The following SHANK2 variants were observed in gnomAD, a reference collection of about 807,000 sequenced individuals.
The protein encoded by SHANK2 is SH3 and multiple ankyrin repeat domains 2, also known as SH3 and multiple ankyrin repeat domains protein 2.
SHANK2 carries 43 observed loss-of-function variants against 133.7 expected under a neutral mutation model. The ratio of observed to expected loss-of-function variants is 0.32; its 90% confidence interval spans 0.25 to 0.41. The LOEUF is 0.41. Ranked by LOEUF, SHANK2 falls within the 10% of genes least tolerant of loss-of-function variation. The pLI is 1.00. For missense variants in SHANK2, 1,994 were observed against 2,235.8 expected (o/e 0.89, Z 2.18); for synonymous variants, 1,017 against 952.8 (o/e 1.07, Z -1.24).
intron 2 of SHANK2, among the ~76,000 whole-genome samples, chr11:71,210,250 A>ATATTTATT (rs1555118714): frequency 8.9e-4 from 76 of 85,454 alleles, no homozygotes; most frequent in East Asian, 3.8e-3. Flanking sequence ...ATATATATAT[A>ATATTTATT]TATTTATTTA....
At chr11:71,091,745 C>T (rs1951523008) in intron 8 of SHANK2, among the ~76,000 whole-genome samples, 1 of 152,170 alleles carries the variant, frequency 6.6e-6, no homozygotes, top group African/African-American at 2.4e-5. Context: ...CCTGCGGGCC[C>T]CCTCCTCAGC....
chr11:70,800,129 C>G (rs1948012289), intron 13 of SHANK2, among the ~76,000 whole-genome samples: 3 of 152,030 alleles, frequency 2.0e-5, no homozygotes, highest in Admixed American at 2.0e-4. Flanking sequence ...CTTAAGTGAT[C>G]CTCCCACCTC....
rs2058901397 is a variant in SHANK2 at position 70,492,410 on chromosome 11, C to T, written c.2364G>A (p.Met788Ile). 12 of 1,613,814 alleles carry T rather than the reference C, an allele frequency of 7.4e-6. No homozygotes were observed. The highest frequency in any genetic ancestry group is 1.0e-5 in the Non-Finnish European group (12 of 1,180,046). The change falls in exon 22 of 26, where the codon ATG becomes ATA. Residue 788 changes from methionine (M) to isoleucine (I), a missense_variant. By Grantham distance (10) the Met-to-Ile change is conservative. Coordinates refer to ENST00000601538, the MANE Select transcript of SHANK2 (RefSeq NM_012309.5). ...ASKPSRAAEN[M>I]AVEPRVATIK... ...TGGTCGCCACCCTCGGTTCCACAGC[C>T]ATGTTCTCAGCAGCGCGGGAGGGCT... is the stretch of plus-strand genomic sequence containing the variant.
At chr11:71,253,037 G>T (rs1220923601), upstream of SHANK2, among the ~76,000 whole-genome samples, 1 of 152,226 alleles carries the variant, frequency 6.6e-6, no homozygotes, top group Admixed American at 6.5e-5. Context: ...CTTTGTACCC[G>T]GGTGATACGC....
At position 71,169,818 on chromosome 11, in the gene SHANK2, G is replaced by A. The variant is rs576819436; in HGVS notation, c.-12-22480C>T. On this transcript the variant is annotated intron_variant, in intron 2 of 25. Transcript: ENST00000601538. ...GATACTGATTTTTGCATATCTCAGCGGTAGAACTGTGATTTGTTTTATATT... is the reference window on the plus strand; with the variant it reads ...GATACTGATTTTTGCATATCTCAGCAGTAGAACTGTGATTTGTTTTATATT... 6.0e-5 allele frequency among the ~76,000 whole-genome samples: 9 copies of A among 151,084 alleles called. No individual in the cohort carries two copies. In the South Asian group the frequency reaches 6.3e-4, roughly 11 times the overall value.
intron 14 of SHANK2, among the ~76,000 whole-genome samples, chr11:70,773,505 T>A (rs937296993): frequency 8.5e-5 from 13 of 152,380 alleles, no homozygotes; most frequent in Non-Finnish European, 7.3e-5. Context: ...GAGCTTAATG[T>A]TGCTGAATAT....
chr11:71,088,111 A>G (rs1302892637), intron 8 of SHANK2, among the ~76,000 whole-genome samples: 2 of 152,128 alleles, frequency 1.3e-5, no homozygotes, highest in African/African-American at 4.8e-5. Context: ...GGCCCCATCC[A>G]ATCAGTTGGA....
At chr11:70,586,840 G>A (rs568986181) in intron 17 of SHANK2, among the ~76,000 whole-genome samples, 1 of 152,340 alleles carries the variant, frequency 6.6e-6, no homozygotes, top group East Asian at 1.9e-4. Context: ...AGAGTGGGCA[G>A]AGCCTAGAGA....
chr11:71,155,959 G>GC (rs1182264933), intron 2 of SHANK2, among the ~76,000 whole-genome samples: 2 of 152,208 alleles, frequency 1.3e-5, no homozygotes, highest in Non-Finnish European at 2.9e-5. Context: ...TTACAGGTGG[G>GC]CCCTAATGCA....
intron 11 of SHANK2, among the ~76,000 whole-genome samples, chr11:70,841,044 C>T (rs2921343): frequency 0.6 from 90,146 of 151,234 alleles, 27,295 homozygotes; most frequent in South Asian, 0.74. Context: ...AGGTGGATTG[C>T]TTGAGGTCCA....
chr11:71,154,656 C>A (rs1952863958), intron 2 of SHANK2, among the ~76,000 whole-genome samples: 1 of 152,176 alleles, frequency 6.6e-6, no homozygotes, highest in Admixed American at 6.5e-5. Flanking sequence ...GAACTTACCC[C>A]ACCCACGCTC....
intron 14 of SHANK2, among the ~76,000 whole-genome samples, chr11:70,761,146 T>G (rs1382361416): frequency 6.6e-6 from 1 of 152,130 alleles, no homozygotes; most frequent in Non-Finnish European, 1.5e-5. Context: ...CCCCACAAAT[T>G]CAAATGTTGA....
chr11:70,628,411 C>T (rs1184529399), intron 17 of SHANK2, among the ~76,000 whole-genome samples: 1 of 152,142 alleles, frequency 6.6e-6, no homozygotes. Context: ...ACATGTGCCC[C>T]CCTCTGTCCT....
intron 14 of SHANK2, among the ~76,000 whole-genome samples, chr11:70,781,378 T>C (rs1437976685): frequency 1.3e-5 from 2 of 151,056 alleles, no homozygotes; most frequent in Non-Finnish European, 3.0e-5. Flanking sequence ...TGGTACCCAC[T>C]GCCTGGTGCA....
chr11:70,950,328 C>T (rs1950814605), intron 10 of SHANK2, among the ~76,000 whole-genome samples: 1 of 151,836 alleles, frequency 6.6e-6, no homozygotes, highest in Non-Finnish European at 1.5e-5. Context: ...AGGCGAGCAC[C>T]ACCACACCCA....
chr11:70,766,405 G>C (rs1380415849), intron 14 of SHANK2, among the ~76,000 whole-genome samples: 1 of 152,242 alleles, frequency 6.6e-6, no homozygotes, highest in Non-Finnish European at 1.5e-5. Context: ...CTGAATAACA[G>C]CACGTCTTGG....
At chr11:70,754,890 G>T (rs781825904) in intron 14 of SHANK2, among the ~76,000 whole-genome samples, 1 of 152,104 alleles carries the variant, frequency 6.6e-6, no homozygotes. Context: ...GATTTAACAC[G>T]GCCCCAGATG....
chr11:70,683,792 T>G (rs1488375309), intron 15 of SHANK2, among the ~76,000 whole-genome samples: 5 of 151,728 alleles, frequency 3.3e-5, no homozygotes, highest in Non-Finnish European at 7.4e-5. Context: ...CCTTTTTGTT[T>G]TTTTTTTTTC....
At chr11:70,835,050 G>A (rs573758940) in intron 11 of SHANK2, among the ~76,000 whole-genome samples, 3 of 152,312 alleles carry the variant, frequency 2.0e-5, no homozygotes, top group South Asian at 2.1e-4. Flanking sequence ...AAAGAGAGGT[G>A]AGGGGTTCCC....
Sources: gnomAD v4.1 joint callset for allele counts (sites outside exome capture counted in the v4.1 genomes callset) on GRCh38, gnomAD v4.1.1 for gene constraint, MANE v1.5 for transcripts, NCBI Gene and HGNC (gene_info 2026-07-23, HGNC 2026-07-21) for gene names.